Variants in CDH8 observed in about 807,000 individuals in gnomAD.
The protein encoded by CDH8 is cadherin 8, also known as cadherin-8.
A neutral mutation model predicts 68.1 loss-of-function variants in CDH8; 17 were observed. The observed-to-expected ratio is 0.25, with a 90% CI of 0.17 to 0.37. CDH8 has a LOEUF of 0.37. CDH8 is among the 10% of genes least tolerant of loss of function. The pLI is 1.00. For synonymous variants in CDH8, 372 were observed against 365.1 expected, an observed-to-expected ratio of 1.02 and a Z score of -0.21; for missense variants, 763 against 999.3, an observed-to-expected ratio of 0.76 and a Z score of 3.19.
Position 62,021,240 on chromosome 16 carries a change from A to G in CDH8, c.164T>C (p.Ile55Thr), listed in dbSNP as rs1223521932. ...CCAGCCTCTTTTGGAGCGGTTCAAA[A>G]TTCGCTGTTCTTCACCCAGACTGTT... is the stretch of plus-strand genomic sequence containing the variant. ...ELNSLGEEQR[I>T]LNRSKRGWVW... is the part of the protein sequence containing the mutation. Residue 55 changes from isoleucine to threonine, a missense_variant, in exon 2 of 12, where the codon ATT (isoleucine) becomes ACT (threonine). By Grantham distance (89) the Ile-to-Thr change is moderately conservative (BLOSUM62 -1). Transcript: ENST00000577390. 1.2e-6 allele frequency: 2 copies of G among 1,613,902 alleles called. No homozygotes were observed. The highest frequency in any genetic ancestry group is 1.7e-5 in the Admixed American group (1 of 59,954).
chr16:61,649,527 C>A lies in CDH8; in HGVS notation c.*4081G>T, dbSNP rs142736092. 1 of 151,694 alleles carries A rather than the reference C, an allele frequency of 6.6e-6. No individual in the cohort carries two copies. The highest frequency in any genetic ancestry group is 2.4e-5 in the African/African-American group (1 of 41,290). 9.4% of individuals were successfully genotyped at this position (151,694 alleles called of 1,614,324 possible). A position where few individuals can be genotyped will look rare whatever the true frequency, so the allele number is the denominator to read the frequency against. On this transcript the variant is annotated 3_prime_UTR_variant, in exon 12 of 12. Coordinates refer to ENST00000577390, the MANE Select transcript of CDH8 (RefSeq NM_001796.5). ...TTTATAGAGCTTTTATAGTGATGCC[C>A]GCTGTTACCTTATCTTTTTGACTGA...
At chr16:61,839,195 A>G (rs1210130300) in intron 4 of CDH8, among the ~76,000 whole-genome samples, 2 of 152,162 alleles carry the variant, frequency 1.3e-5, no homozygotes, top group Admixed American at 6.6e-5. Context: ...ACTGATGATT[A>G]TCAAGATCTT....
At position 61,926,774 on chromosome 16, in the gene CDH8, G is replaced by A. The variant is rs561397391; in HGVS notation, c.253-25301C>T. Among the ~76,000 whole-genome samples, 9 of 152,224 alleles carry A rather than the reference G, an allele frequency of 5.9e-5. No homozygotes were observed. The South Asian group carries it at 1.0e-3, about 18-fold the overall frequency. On this transcript the variant is annotated intron_variant, in intron 2 of 11. Transcript: ENST00000577390. Reference sequence around the variant, plus strand: ...TAACGGCAATTTTATGTAGACTCACGCTGGAGACTGGCATCTAGGGTGTGC... The same window carrying A: ...TAACGGCAATTTTATGTAGACTCACACTGGAGACTGGCATCTAGGGTGTGC...
chr16:61,762,363 C>G (rs1291521250), intron 8 of CDH8, among the ~76,000 whole-genome samples: 2 of 152,142 alleles, frequency 1.3e-5, no homozygotes, highest in Non-Finnish European at 2.9e-5. Context: ...AATAGAGTCT[C>G]TCTGTATTAT....
chr16:61,649,805 C>CTAAAG lies in CDH8; in HGVS notation c.*3802_*3803insCTTTA, dbSNP rs1567401412. 2.0e-5 allele frequency: 3 copies of CTAAAG among 152,036 alleles called. No individual in the cohort carries two copies. The highest frequency in any genetic ancestry group is 7.2e-5 in the African/African-American group (3 of 41,398). 9.4% of individuals were successfully genotyped at this position (152,036 alleles called of 1,614,324 possible). A position where few individuals can be genotyped will look rare whatever the true frequency, so the allele number is the denominator to read the frequency against. On this transcript the variant is annotated 3_prime_UTR_variant, in exon 12 of 12. Transcript: ENST00000577390. ...AATTGGCTACTTAGCTCTCAGCACC[C>CTAAAG]GCTTTTCCTTTTCCAAAATACAGCA... is the stretch of plus-strand genomic sequence containing the variant.
At chr16:61,783,769 T>C (rs1371309859) in intron 8 of CDH8, among the ~76,000 whole-genome samples, 2 of 151,424 alleles carry the variant, frequency 1.3e-5, no homozygotes, top group Non-Finnish European at 2.9e-5. Context: ...CAGAAGAGAG[T>C]GGGGCCAATA....
rs181205149 is a variant in CDH8 at position 61,921,685 on chromosome 16, G to A, written c.253-20212C>T. Among the ~76,000 whole-genome samples the A allele has an allele frequency of 4.4e-3, 669 of 152,218 alleles. 5 individuals carry two copies. Among genetic ancestry groups the A allele is most frequent in the Middle Eastern group, 0.017 (5 of 294 alleles). ...GTTAGAAAATTATTAATCAGCAAAA[G>A]AGCCATTACAAGTGCAAAAGAGCAG... is the stretch of plus-strand genomic sequence containing the variant. On this transcript the variant is annotated intron_variant, in intron 2 of 11. Transcript: ENST00000577390.
chr16:61,810,647 A>G (rs1262672410), intron 7 of CDH8, among the ~76,000 whole-genome samples: 5 of 152,214 alleles, frequency 3.3e-5, no homozygotes, highest in South Asian at 2.1e-4. Flanking sequence ...TTCAAAATTC[A>G]TTAGGAAAGG....
chr16:61,652,594 C>T lies in CDH8; in HGVS notation c.*1014G>A, dbSNP rs1187878859. The stretch of plus-strand genomic sequence containing the variant: ...TTTCGATAATATTGCCTGCCATACT[C>T]ATCTCATCAAAATGTACATGTATTA... On this transcript the variant is annotated 3_prime_UTR_variant, in exon 12 of 12. Transcript: ENST00000577390. 1 of 1,038,856 alleles carries T rather than the reference C, an allele frequency of 9.6e-7. No homozygotes were observed. Among genetic ancestry groups the T allele is most frequent in the Non-Finnish European group, 1.2e-6 (1 of 842,850 alleles). 64.4% of individuals were successfully genotyped at this position (1,038,856 alleles called of 1,614,324 possible).
intron 4 of CDH8, among the ~76,000 whole-genome samples, chr16:61,838,523 C>G (rs746261116): frequency 4.6e-5 from 7 of 152,070 alleles, no homozygotes; most frequent in Non-Finnish European, 1.0e-4. Flanking sequence ...AAGACTGGTT[C>G]CCTCAAACTC....
At chr16:61,817,112 C>G (rs1254631633) in intron 7 of CDH8, among the ~76,000 whole-genome samples, 1 of 151,964 alleles carries the variant, frequency 6.6e-6, no homozygotes, top group African/African-American at 2.4e-5. Context: ...CAATGCTTCC[C>G]CAAAGCTAAA....
chr16:61,852,897 T>TC (rs149266274), intron 4 of CDH8, among the ~76,000 whole-genome samples: 13,757 of 120,580 alleles, frequency 0.11, 1,102 homozygotes, highest in African/African-American at 0.17. Flanking sequence ...TTCCTTCCAT[T>TC]CTTCCTTCCT....
intron 3 of CDH8, among the ~76,000 whole-genome samples, chr16:61,865,717 A>G (rs1963240751): frequency 6.6e-6 from 1 of 152,206 alleles, no homozygotes; most frequent in Non-Finnish European, 1.5e-5. Flanking sequence ...TACAACAGAA[A>G]AAGAAAAGTA....
intron 2 of CDH8, among the ~76,000 whole-genome samples, chr16:61,952,691 G>T (rs996279615): frequency 6.6e-6 from 1 of 152,196 alleles, no homozygotes; most frequent in Non-Finnish European, 1.5e-5. Flanking sequence ...GAATAAGCAA[G>T]CAGGGGCAAA....
chr16:61,973,282 T>C (rs1052066891), intron 2 of CDH8, among the ~76,000 whole-genome samples: 15 of 152,198 alleles, frequency 9.9e-5, no homozygotes, highest in Non-Finnish European at 1.8e-4. Flanking sequence ...AGTAAATAGA[T>C]TTTCTCTTCC....
intron 2 of CDH8, among the ~76,000 whole-genome samples, chr16:61,971,868 A>G (rs1471541766): frequency 6.6e-6 from 1 of 152,238 alleles, no homozygotes; most frequent in Non-Finnish European, 1.5e-5. Flanking sequence ...GATCAAGTAT[A>G]TATTTTACAA....
rs1567436250 is a variant in CDH8, at chr16:61,713,733, C to G, written c.1654+108G>C. The stretch of plus-strand genomic sequence containing the variant: ...ACTGATAAGCTGAATTTCAAGTGCT[C>G]ATAGTTGAACAAAAATTATCTTAAT... On this transcript the variant is annotated intron_variant, in intron 10 of 11. Coordinates refer to ENST00000577390, the MANE Select transcript of CDH8 (RefSeq NM_001796.5). The G allele has an allele frequency of 4.2e-5, 27 of 646,946 alleles. No individual in the cohort carries two copies. In the East Asian group the frequency reaches 7.4e-4, roughly 18 times the overall value. 40.1% of individuals were successfully genotyped at this position (646,946 alleles called of 1,614,324 possible).
intron 2 of CDH8, among the ~76,000 whole-genome samples, chr16:62,016,230 T>C (rs1341063389): frequency 6.6e-6 from 1 of 152,160 alleles, no homozygotes; most frequent in East Asian, 1.9e-4. Flanking sequence ...TTCAGTTTTC[T>C]TGTGATGTTT....
chr16:61,845,651 A>G (rs1482260750), intron 4 of CDH8, among the ~76,000 whole-genome samples: 1 of 152,116 alleles, frequency 6.6e-6, no homozygotes, highest in Non-Finnish European at 1.5e-5. Context: ...TGCCTAGCTC[A>G]TAATAAAACT....
Sources: allele counts gnomAD v4.1 joint callset (sites outside exome capture counted in the v4.1 genomes callset), GRCh38; gene constraint gnomAD v4.1.1; transcripts MANE v1.5; gene names NCBI Gene and HGNC (gene_info 2026-07-23, HGNC 2026-07-21).